PCCA: variants seen among roughly 807,000 people sequenced by gnomAD.
The protein encoded by PCCA is propionyl-CoA carboxylase subunit alpha, also known as propionyl-CoA carboxylase alpha chain, mitochondrial.
Under a neutral mutation model 101.3 loss-of-function variants are expected in PCCA, and 74 were observed. That is an observed-to-expected ratio of 0.73 (90% confidence interval 0.61 to 0.89). The LOEUF is 0.89. Among genes scored for constraint, PCCA ranks in the 40% least tolerant of loss-of-function variants. PCCA has a pLI of 0.00. For missense variants in PCCA, 891 were observed against 907.0 expected (o/e 0.98, Z 0.23); for synonymous variants, 294 against 313.6 (o/e 0.94, Z 0.66).
At chr13:100,313,727 C>G (rs1306676992) in intron 16 of PCCA, among the ~76,000 whole-genome samples, 1 of 152,108 alleles carries the variant, frequency 6.6e-6, no homozygotes, top group Non-Finnish European at 1.5e-5. Flanking sequence ...GTTAGCATGG[C>G]CTACACCCAG....
intron 6 of PCCA, chr13:100,161,594 T>G (rs1024160012): frequency 2.0e-5 from 3 of 152,216 alleles, no homozygotes; most frequent in Admixed American, 6.5e-5. Context: ...TTAACAATTT[T>G]TTTGTTTATA....
chr13:100,266,515 A>G (rs1454170119), intron 10 of PCCA, among the ~76,000 whole-genome samples: 1 of 152,166 alleles, frequency 6.6e-6, no homozygotes, highest in Non-Finnish European at 1.5e-5. Flanking sequence ...TATGCACATG[A>G]TAAAGGGTAA....
intron 4 of PCCA, among the ~76,000 whole-genome samples, chr13:100,132,614 T>G (rs919129547): frequency 2.0e-5 from 3 of 152,218 alleles, no homozygotes; most frequent in Non-Finnish European, 4.4e-5. Flanking sequence ...ATAGAACTGT[T>G]GTAAACATTT....
intron 6 of PCCA, among the ~76,000 whole-genome samples, chr13:100,172,520 C>G (rs547669543): frequency 6.6e-6 from 1 of 151,954 alleles, no homozygotes; most frequent in African/African-American, 2.4e-5. Context: ...TGGGCCCATA[C>G]GTAAAGACTA....
chr13:100,306,817 G>A (rs887379645), intron 14 of PCCA, among the ~76,000 whole-genome samples: 2 of 152,216 alleles, frequency 1.3e-5, no homozygotes, highest in Non-Finnish European at 2.9e-5. Flanking sequence ...CAGGCTTGAC[G>A]AGGGGCCTCA....
intron 11 of PCCA, among the ~76,000 whole-genome samples, chr13:100,269,358 C>T (rs1367987901): frequency 6.6e-6 from 1 of 152,124 alleles, no homozygotes; most frequent in Non-Finnish European, 1.5e-5. Context: ...CTGCAGGCTT[C>T]TAGGAAGTAT....
intron 11 of PCCA, among the ~76,000 whole-genome samples, chr13:100,270,027 C>T (rs1316028104): frequency 6.6e-6 from 1 of 152,166 alleles, no homozygotes; most frequent in South Asian, 2.1e-4. Context: ...TGCCAGCTTC[C>T]GCTTCCTGTT....
At position 100,273,279 on chromosome 13, in the gene PCCA, G is replaced by T; in HGVS notation, c.998G>T (p.Gly333Val). ...LARAVKYSSA[G>V]TVEFLVDSKK... ...AGAGCAGTAAAATATTCCTCTGCTG[G>T]GACCGTGGAGTTCCTTGTGGACTCT... The change falls in exon 12 of 24, where the codon GGG becomes GTG. Residue 333 changes from glycine (G) to valine (V), a missense_variant. By Grantham distance (109) the Gly-to-Val change is moderately radical. Transcript: ENST00000376285. The T allele has an allele frequency of 1.9e-6, 3 of 1,611,944 alleles. No homozygotes were observed. The highest frequency in any genetic ancestry group is 2.5e-6 in the Non-Finnish European group (3 of 1,178,068).
chr13:100,494,556 G>A (rs1465910820), intron 21 of PCCA, among the ~76,000 whole-genome samples: 71 of 152,126 alleles, frequency 4.7e-4, no homozygotes, highest in South Asian at 2.1e-4. Context: ...GGTGGTGCAC[G>A]CCTGTAATCC....
At chr13:100,479,860 G>C (rs532732066) in intron 21 of PCCA, 1 of 125,470 alleles carries the variant, frequency 8.0e-6, no homozygotes, top group South Asian at 2.6e-4. Context: ...TGTGTCAGTG[G>C]AGCTGGTTTG....
intron 16 of PCCA, among the ~76,000 whole-genome samples, chr13:100,311,971 A>C (rs1360281103): frequency 6.6e-6 from 1 of 152,236 alleles, no homozygotes; most frequent in Non-Finnish European, 1.5e-5. Context: ...AAATTAAAGT[A>C]TTAATTGTGT....
At chr13:100,485,183 C>A (rs2084276789) in intron 21 of PCCA, among the ~76,000 whole-genome samples, 1 of 152,154 alleles carries the variant, frequency 6.6e-6, no homozygotes, top group Non-Finnish European at 1.5e-5. Context: ...CTGTTCCCAC[C>A]CCATTGCTTT....
chr13:100,106,577 A>C (rs1056381266), intron 2 of PCCA, among the ~76,000 whole-genome samples: 16 of 150,710 alleles, frequency 1.1e-4, no homozygotes, highest in African/African-American at 3.2e-4. Flanking sequence ...CATCCGGCTA[A>C]TTTTTTTTTG....
At position 100,301,488 on chromosome 13, in the gene PCCA, C is replaced by T. The variant is rs2066050873; in HGVS notation, c.1094C>T (p.Thr365Ile). 5 of 1,613,900 alleles carry T rather than the reference C, an allele frequency of 3.1e-6. No individual in the cohort carries two copies. The highest frequency in any genetic ancestry group is 1.6e-4 in the Middle Eastern group (1 of 6,084). Residue 365 changes from threonine (T) to isoleucine (I), a missense_variant, in exon 13 of 24, where the codon ACT becomes ATT. By Grantham distance (89) the Thr-to-Ile change is moderately conservative (BLOSUM62 -1). Coordinates refer to ENST00000376285, the MANE Select transcript of PCCA (RefSeq NM_000282.4). ...GAGCATCCTGTCACAGAATGCATTACTGGCCTGGACCTAGTCCAGGAAATG... is the reference window on the plus strand; with the variant it reads ...GAGCATCCTGTCACAGAATGCATTATTGGCCTGGACCTAGTCCAGGAAATG... ...QVEHPVTECI[T>I]GLDLVQEMIR...
intron 19 of PCCA, among the ~76,000 whole-genome samples, chr13:100,404,025 G>A (rs1176184901): frequency 6.6e-6 from 1 of 152,182 alleles, no homozygotes; most frequent in African/African-American, 2.4e-5. Context: ...AGGGGATGCT[G>A]TTTTGGGGAA....
chr13:100,191,627 T>A (rs939850928), intron 6 of PCCA, among the ~76,000 whole-genome samples: 1 of 152,222 alleles, frequency 6.6e-6, no homozygotes, highest in South Asian at 2.1e-4. Flanking sequence ...TTCCTTACTT[T>A]CTTTTATACA....
Position 100,232,157 on chromosome 13 carries a change from G to A in PCCA, c.601-3685G>A, listed in dbSNP as rs141116364. 3.0e-4 allele frequency among the ~76,000 whole-genome samples: 46 copies of A among 152,286 alleles called. No homozygotes were observed. In the East Asian group the frequency reaches 7.1e-3, roughly 24 times the overall value. ...GATCTGGCCAGAACAGGGCCACGCC[G>A]TCCATACCTCCTTATCTTGTGCTTT... On this transcript the variant is annotated intron_variant, in intron 7 of 23. Transcript: ENST00000376285.
chr13:100,139,244 CCTT>C (rs1464208126), intron 4 of PCCA, among the ~76,000 whole-genome samples: 2 of 151,886 alleles, frequency 1.3e-5, no homozygotes, highest in Non-Finnish European at 2.9e-5. Flanking sequence ...GATTCACTGA[CCTT>C]CTTGAATATG....
chr13:100,492,420 C>T (rs913812990), intron 21 of PCCA, among the ~76,000 whole-genome samples: 3 of 152,056 alleles, frequency 2.0e-5, no homozygotes, highest in African/African-American at 7.2e-5. Context: ...AGGCGTGAGC[C>T]GCCGAGCCCG....
Sources: allele counts gnomAD v4.1 joint callset (sites outside exome capture counted in the v4.1 genomes callset), GRCh38; gene constraint gnomAD v4.1.1; transcripts MANE v1.5; gene names NCBI Gene and HGNC (gene_info 2026-07-23, HGNC 2026-07-21).